FHIT: variants seen among roughly 807,000 people sequenced by gnomAD.
The protein encoded by FHIT is fragile histidine triad diadenosine triphosphatase, also known as bis(5'-adenosyl)-triphosphatase.
Under a neutral mutation model 17.9 loss-of-function variants are expected in FHIT, and 19 were observed. That is an observed-to-expected ratio of 1.06 (90% CI 0.74 to 1.56). The LOEUF (loss-of-function observed/expected upper bound fraction) is 1.56, where lower values mean the gene tolerates loss of function less well. Among genes scored for constraint, FHIT ranks in the 40% most tolerant of loss-of-function variants. The pLI is 0.00. For synonymous variants in FHIT, 81 were observed against 69.7 expected, an observed-to-expected ratio of 1.16 and a Z score of -0.81; for missense variants, 248 against 189.2, an observed-to-expected ratio of 1.31 and a Z score of -1.82.
chr3:60,067,745 C>T (rs993032139), intron 5 of FHIT, among the ~76,000 whole-genome samples: 1 of 152,124 alleles, frequency 6.6e-6, no homozygotes, highest in Admixed American at 6.5e-5. Flanking sequence ...CGCGACAGCC[C>T]CATTCCATCA....
intron 4 of FHIT, among the ~76,000 whole-genome samples, chr3:60,642,501 G>A (rs1232226811): frequency 6.6e-6 from 1 of 152,100 alleles, no homozygotes; most frequent in Admixed American, 6.5e-5. Context: ...TCCCCATGGG[G>A]GAAACGGTAA....
intron 2 of FHIT, among the ~76,000 whole-genome samples, chr3:61,123,665 T>C (rs548514364): frequency 1.3e-5 from 2 of 152,298 alleles, no homozygotes; most frequent in South Asian, 4.1e-4. Flanking sequence ...CTTCTTGTTC[T>C]ATCCCCCACA....
chr3:61,174,011 A>G (rs2038086380), intron 2 of FHIT, among the ~76,000 whole-genome samples: 1 of 152,234 alleles, frequency 6.6e-6, no homozygotes, highest in Non-Finnish European at 1.5e-5. Context: ...ACCTGCAGTA[A>G]TTGGGAACTT....
At chr3:61,031,644 T>A (rs2033014100) in intron 3 of FHIT, among the ~76,000 whole-genome samples, 2 of 152,188 alleles carry the variant, frequency 1.3e-5, no homozygotes, top group African/African-American at 4.8e-5. Flanking sequence ...CAATGACACA[T>A]TTTACCCACA....
intron 5 of FHIT, among the ~76,000 whole-genome samples, chr3:60,154,675 T>C (rs920857972): frequency 6.6e-6 from 1 of 152,190 alleles, no homozygotes; most frequent in Non-Finnish European, 1.5e-5. Context: ...ATGGGTCCAA[T>C]GACATGACGG....
intron 4 of FHIT, among the ~76,000 whole-genome samples, chr3:60,552,061 A>G (rs1165041414): frequency 6.6e-6 from 1 of 152,056 alleles, no homozygotes; most frequent in Non-Finnish European, 1.5e-5. Flanking sequence ...CCTTTTCTGG[A>G]CATTCTATAG....
chr3:59,916,523 T>C (rs1386634470), intron 8 of FHIT, among the ~76,000 whole-genome samples: 1 of 152,180 alleles, frequency 6.6e-6, no homozygotes. Context: ...AGAACACTAA[T>C]ACATATATTA....
chr3:60,439,523 C>T (rs1000456224), intron 5 of FHIT, among the ~76,000 whole-genome samples: 4 of 152,014 alleles, frequency 2.6e-5, no homozygotes, highest in Non-Finnish European at 4.4e-5. Flanking sequence ...GGTACGGCCT[C>T]GAAGGATTAC....
chr3:59,841,730 C>A (rs1441261096), intron 8 of FHIT, among the ~76,000 whole-genome samples: 16 of 152,084 alleles, frequency 1.1e-4, no homozygotes. Flanking sequence ...CTCCTGAAAC[C>A]CAGACAATCC....
rs375427702 is a variant in FHIT at position 61,166,451 on chromosome 3, T to A, written c.-164+34166A>T. On this transcript the variant is annotated intron_variant, in intron 2 of 9. Coordinates refer to ENST00000492590, the MANE Select transcript of FHIT (RefSeq NM_002012.4). ...ACTGTAGAGTAAAATAGACCTGACATCCTTTAGAGTTCTTCTTGGATCCTG... is the reference window on the plus strand; with the variant it reads ...ACTGTAGAGTAAAATAGACCTGACAACCTTTAGAGTTCTTCTTGGATCCTG... Among the ~76,000 whole-genome samples, 153 of 152,328 alleles carry A rather than the reference T, an allele frequency of 1.0e-3. 3 individuals are homozygous for A. In the South Asian group the frequency reaches 0.03, roughly 30 times the overall value.
intron 3 of FHIT, among the ~76,000 whole-genome samples, chr3:60,880,953 A>T (rs1214075707): frequency 6.6e-6 from 1 of 152,220 alleles, no homozygotes; most frequent in Non-Finnish European, 1.5e-5. Context: ...TTGAATGTTA[A>T]CAGAATAAAT....
At chr3:61,150,633 T>G (rs2037361152) in intron 2 of FHIT, among the ~76,000 whole-genome samples, 1 of 152,220 alleles carries the variant, frequency 6.6e-6, no homozygotes, top group Admixed American at 6.5e-5. Context: ...TTTTACATAA[T>G]AGCTTAAAGT....
intron 5 of FHIT, among the ~76,000 whole-genome samples, chr3:60,451,475 T>TC (rs1226257531): frequency 2.6e-5 from 4 of 152,098 alleles, no homozygotes; most frequent in African/African-American, 9.7e-5. Flanking sequence ...TTACAAGAAT[T>TC]CCAGAAAACT....
At chr3:60,529,729 A>G (rs2035703097) in intron 5 of FHIT, among the ~76,000 whole-genome samples, 1 of 152,202 alleles carries the variant, frequency 6.6e-6, no homozygotes, top group Non-Finnish European at 1.5e-5. Flanking sequence ...TGAAAAAGTT[A>G]CTGTGGAAAT....
At chr3:60,262,097 A>G (rs945405582) in intron 5 of FHIT, among the ~76,000 whole-genome samples, 5 of 152,086 alleles carry the variant, frequency 3.3e-5, no homozygotes, top group African/African-American at 1.2e-4. Flanking sequence ...TATGTTAAAT[A>G]AAGTTGTATG....
intron 5 of FHIT, among the ~76,000 whole-genome samples, chr3:60,242,584 G>T (rs193017977): frequency 5.9e-5 from 9 of 152,132 alleles, no homozygotes; most frequent in African/African-American, 2.2e-4. Flanking sequence ...GGTACTTGAG[G>T]CAAAGTTGAC....
chr3:60,473,600 A>T (rs1340239484), intron 5 of FHIT, among the ~76,000 whole-genome samples: 1 of 152,184 alleles, frequency 6.6e-6, no homozygotes. Flanking sequence ...CTTTGGAAAT[A>T]CTGATTTGAG....
At chr3:60,089,083 T>C (rs1029006779) in intron 5 of FHIT, among the ~76,000 whole-genome samples, 4 of 152,288 alleles carry the variant, frequency 2.6e-5, no homozygotes, top group South Asian at 2.1e-4. Flanking sequence ...TTATGAGACA[T>C]AGTCTCTTGT....
intron 5 of FHIT, among the ~76,000 whole-genome samples, chr3:60,153,277 T>C (rs967006667): frequency 2.0e-5 from 3 of 150,724 alleles, no homozygotes; most frequent in South Asian, 4.2e-4. Context: ...TGTTTTCTCA[T>C]GGCCTCTTCA....
Sources: allele counts gnomAD v4.1 joint callset (sites outside exome capture counted in the v4.1 genomes callset), GRCh38; gene constraint gnomAD v4.1.1; transcripts MANE v1.5; gene names NCBI Gene and HGNC (gene_info 2026-07-23, HGNC 2026-07-21).